INSL6: variants seen among roughly 807,000 people sequenced by gnomAD.
INSL6 encodes insulin-like peptide INSL6.
In INSL6, 16 loss-of-function variants were observed where a neutral mutation model predicts 9.4. That is an observed-to-expected ratio of 1.70 (90% confidence interval 1.15 to 2.59). The LOEUF is 2.59. INSL6 is among the 30% of genes most tolerant of loss of function. INSL6 has a pLI of 0.00. For missense variants in INSL6, 391 were observed against 257.3 expected (o/e 1.52, Z -3.56); for synonymous variants, 154 against 96.9 (o/e 1.59, Z -3.46).
chr9:5,107,775 T>A, the INSL6 span, among the ~76,000 whole-genome samples: 2 of 152,148 alleles, frequency 1.3e-5, no homozygotes, highest in African/African-American at 2.4e-5. Flanking sequence ...ATTACCCTTA[T>A]AACTTTAAAT....
chr9:5,126,916 G>A (rs767898973), intron 3 of INSL6: 20 of 502,090 alleles, frequency 4.0e-5, no homozygotes, highest in Non-Finnish European at 6.4e-5. Context: ...CAGCAAAGAT[G>A]TGAAAATATC....
At chr9:5,042,325 G>A in the INSL6 span, among the ~76,000 whole-genome samples, 1 of 151,048 alleles carries the variant, frequency 6.6e-6, no homozygotes, top group Admixed American at 6.6e-5. Flanking sequence ...TTTTAGTAGA[G>A]ACGGGGTTTC....
At chr9:5,039,924 A>G in the INSL6 span, among the ~76,000 whole-genome samples, 3 of 152,226 alleles carry the variant, frequency 2.0e-5, no homozygotes, top group Non-Finnish European at 4.4e-5. Flanking sequence ...TTCCTACTGA[A>G]TTCCTAAATG....
the INSL6 span, chr9:5,085,885 T>C: frequency 6.2e-6 from 5 of 807,092 alleles, no homozygotes; most frequent in East Asian, 9.8e-5. Flanking sequence ...GTTGTTGATA[T>C]GAGCGGTTCC....
downstream of INSL6, among the ~76,000 whole-genome samples, chr9:5,122,686 T>G (rs897319739): frequency 6.6e-6 from 1 of 151,990 alleles, no homozygotes; most frequent in Non-Finnish European, 1.5e-5. Flanking sequence ...AAAGCAAAAT[T>G]AGGCACTCTC....
At chr9:5,075,897 T>C in the INSL6 span, among the ~76,000 whole-genome samples, 1 of 152,148 alleles carries the variant, frequency 6.6e-6, no homozygotes. Context: ...ATGCCAGGAA[T>C]AGCATTCATG....
the INSL6 span, chr9:5,085,420 T>C: frequency 1.3e-6 from 1 of 754,432 alleles, no homozygotes; most frequent in East Asian, 2.6e-5. Context: ...TTTACAACTG[T>C]TGGCTATCAG....
At chr9:5,134,058 C>T (rs891287039) in intron 2 of INSL6, among the ~76,000 whole-genome samples, 18 of 152,038 alleles carry the variant, frequency 1.2e-4, no homozygotes, top group African/African-American at 4.3e-4. Context: ...ACACGAGTAT[C>T]AACAGCTGAA....
At chr9:5,097,102 A>T in the INSL6 span, 1 of 152,074 alleles carries the variant, frequency 6.6e-6, no homozygotes, top group Non-Finnish European at 1.5e-5. Context: ...GGGTCTTACC[A>T]TCTTCTCACT....
chr9:5,112,184 C>T, the INSL6 span: 1 of 262,644 alleles, frequency 3.8e-6, no homozygotes, highest in Non-Finnish European at 7.7e-6. Context: ...CGGGCGCTGG[C>T]CTTGGGCTTC....
At chr9:5,062,500 T>TAAAAAAAAAAAAAAAAAAAAAAAA in the INSL6 span, among the ~76,000 whole-genome samples, 18 of 58,244 alleles carry the variant, frequency 3.1e-4, 2 homozygotes, top group African/African-American at 1.9e-3. Context: ...CTTCCATTTG[T>TAAAAAAAAAAAAAAAAAAAAAAAA]AAAAAAAAAA....
the INSL6 span, chr9:5,091,113 A>G: frequency 1.6e-5 from 7 of 436,248 alleles, no homozygotes; most frequent in African/African-American, 1.0e-4. Flanking sequence ...CTTTATTTCT[A>G]TTAAGTGTTG....
At chr9:5,121,872 A>G (rs1441962823), downstream of INSL6, among the ~76,000 whole-genome samples, 3 of 152,180 alleles carry the variant, frequency 2.0e-5, no homozygotes, top group East Asian at 5.8e-4. Context: ...CTATATGAAA[A>G]CCAGAGGAAG....
At chr9:4,998,550 C>T in the INSL6 span, among the ~76,000 whole-genome samples, 30 of 152,016 alleles carry the variant, frequency 2.0e-4, no homozygotes, top group African/African-American at 5.6e-4. Flanking sequence ...CCACCATGCC[C>T]GGCCAAAAAC....
At chr9:5,033,782 A>C in the INSL6 span, among the ~76,000 whole-genome samples, 1 of 152,210 alleles carries the variant, frequency 6.6e-6, no homozygotes, top group East Asian at 1.9e-4. Flanking sequence ...GCCACTGCAA[A>C]AACACGCCAA....
chr9:5,123,023 A>T, downstream of INSL6: 1 of 1,610,910 alleles, frequency 6.2e-7, no homozygotes, highest in Non-Finnish European at 8.5e-7. Context: ...AGAATCACTG[A>T]CAGAGAGCAA....
At chr9:5,082,602 G>T in the INSL6 span, among the ~76,000 whole-genome samples, 2 of 152,194 alleles carry the variant, frequency 1.3e-5, no homozygotes, top group Non-Finnish European at 2.9e-5. Flanking sequence ...TTGGGCTGGG[G>T]GACGGTCAGG....
At chr9:5,026,753 C>G in the INSL6 span, among the ~76,000 whole-genome samples, 1 of 152,094 alleles carries the variant, frequency 6.6e-6, no homozygotes, top group East Asian at 1.9e-4. Context: ...TCTATATATG[C>G]TTGAAAATAG....
At chr9:5,128,181 T>G (rs1057515604) in intron 3 of INSL6, 1 of 232,150 alleles carries the variant, frequency 4.3e-6, no homozygotes, top group Non-Finnish European at 8.5e-6. Flanking sequence ...GTTTCTTACT[T>G]TATTTTTACT....
Sources: allele counts gnomAD v4.1 joint callset (sites outside exome capture counted in the v4.1 genomes callset), GRCh38; gene constraint gnomAD v4.1.1; transcripts MANE v1.5; gene names NCBI Gene and HGNC (gene_info 2026-07-23, HGNC 2026-07-21).